The following NAALADL2 variants were observed in gnomAD, a reference collection of about 807,000 sequenced individuals.
NAALADL2 encodes the protein inactive N-acetylated-alpha-linked acidic dipeptidase-like protein 2.
NAALADL2 carries 76 observed loss-of-function variants against 87.2 expected under a neutral mutation model. The ratio of observed to expected loss-of-function variants is 0.87; its 90% CI spans 0.72 to 1.05. The LOEUF is 1.05. Ranked by LOEUF, NAALADL2 falls within the 50% of genes least tolerant of loss-of-function variation. NAALADL2 has a pLI of 0.00. For missense variants in NAALADL2, 1,089 were observed against 945.8 expected (o/e 1.15, Z -1.99); for synonymous variants, 354 against 331.0 (o/e 1.07, Z -0.75).
intron 11 of NAALADL2, among the ~76,000 whole-genome samples, chr3:175,730,317 AG>A (rs977358928): frequency 6.8e-6 from 1 of 147,486 alleles, no homozygotes; most frequent in African/African-American, 2.5e-5. Context: ...CCCATATAAA[AG>A]TTTATCTTTC....
At chr3:175,461,300 G>A (rs924214678) in intron 6 of NAALADL2, among the ~76,000 whole-genome samples, 4 of 151,036 alleles carry the variant, frequency 2.6e-5, no homozygotes, top group South Asian at 2.1e-4. Flanking sequence ...CTGATGGTGC[G>A]TTTTTACAGA....
rs767517255 is a variant in NAALADL2, at chr3:175,463,528, A to G, written c.1327+35A>G. 2.8e-6 allele frequency: 3 copies of G among 1,087,296 alleles called. No homozygotes were observed. The East Asian group carries it at 7.6e-5, about 27-fold the overall frequency. 67.4% of individuals were successfully genotyped at this position (1,087,296 alleles called of 1,614,324 possible). On this transcript the variant is annotated intron_variant, in intron 7 of 13. Coordinates refer to ENST00000454872, the MANE Select transcript of NAALADL2 (RefSeq NM_207015.3). ...GTTGAAAATTTATAATCTACACTTTATATGAAACTATACAAGGAAATGCTC... is the reference window on the plus strand; with the variant it reads ...GTTGAAAATTTATAATCTACACTTTGTATGAAACTATACAAGGAAATGCTC...
rs755886615 is a variant in NAALADL2, at chr3:175,463,437, C to G, written c.1271C>G (p.Thr424Arg). 6.3e-7 allele frequency: 1 copy of G among 1,599,100 alleles called. No individual in the cohort carries two copies. Among genetic ancestry groups the G allele is most frequent in the Admixed American group, 1.7e-5 (1 of 59,158 alleles). Residue 424 changes from threonine (T) to arginine (R), a missense_variant, in exon 7 of 14, where the codon ACA becomes AGA. By Grantham distance (71) the Thr-to-Arg change is moderately conservative (BLOSUM62 -1). Coordinates refer to ENST00000454872, the MANE Select transcript of NAALADL2 (RefSeq NM_207015.3). ...GTCAGCATGCAAGTTCAGACAGTCA[C>G]AAAATTGAAAACAGTTACTAATGTT... ...RVVSMQVQTV[T>R]KLKTVTNVVG... is the part of the protein sequence containing the mutation.
chr3:174,508,177 G>C (rs1179543096), intron 1 of NAALADL2, among the ~76,000 whole-genome samples: 6 of 136,804 alleles, frequency 4.4e-5, no homozygotes, highest in Non-Finnish European at 9.2e-5. Flanking sequence ...GCAGTGGCAC[G>C]ATTTCGGCTC....
At chr3:175,206,308 A>G (rs888615319) in intron 2 of NAALADL2, among the ~76,000 whole-genome samples, 1 of 129,254 alleles carries the variant, frequency 7.7e-6, no homozygotes, top group Non-Finnish European at 1.5e-5. Flanking sequence ...ATATATATAT[A>G]TATACACATA....
intron 11 of NAALADL2, chr3:175,676,635 G>T: frequency 6.9e-6 from 1 of 145,950 alleles, no homozygotes; most frequent in Admixed American, 6.9e-5. Context: ...GTGTGCTCTT[G>T]ATTAAAAAAA....
chr3:175,444,948 G>C (rs539496363), intron 5 of NAALADL2, among the ~76,000 whole-genome samples: 1 of 152,122 alleles, frequency 6.6e-6, no homozygotes, highest in Admixed American at 6.5e-5. Flanking sequence ...GGAAACACTC[G>C]TGTAACATAT....
At chr3:175,787,377 A>AG (rs1220636862) in intron 13 of NAALADL2, among the ~76,000 whole-genome samples, 1 of 152,164 alleles carries the variant, frequency 6.6e-6, no homozygotes, top group Non-Finnish European at 1.5e-5. Flanking sequence ...CCGTGGGCGT[A>AG]GGACCCTCCG....
chr3:175,129,503 CATTCTA>C (rs1727478589), intron 2 of NAALADL2, among the ~76,000 whole-genome samples: 1 of 152,172 alleles, frequency 6.6e-6, no homozygotes. Flanking sequence ...TGGCAATGAC[CATTCTA>C]TACTCTGCTT....
intron 2 of NAALADL2, among the ~76,000 whole-genome samples, chr3:175,167,692 C>T (rs755565902): frequency 2.6e-5 from 4 of 152,016 alleles, no homozygotes; most frequent in African/African-American, 4.8e-5. Context: ...TTTGAATATA[C>T]GTTCTTAAAC....
intron 1 of NAALADL2, among the ~76,000 whole-genome samples, chr3:174,477,631 A>C (rs539805655): frequency 6.6e-6 from 1 of 152,322 alleles, no homozygotes; most frequent in South Asian, 2.1e-4. Context: ...CACACCATTA[A>C]AAATCATGCT....
At chr3:174,988,586 C>A (rs987305535) in intron 1 of NAALADL2, among the ~76,000 whole-genome samples, 4 of 152,116 alleles carry the variant, frequency 2.6e-5, no homozygotes, top group African/African-American at 9.7e-5. Context: ...AGCCCATGAT[C>A]AAGGTGTTGG....
intron 2 of NAALADL2, among the ~76,000 whole-genome samples, chr3:174,595,624 C>T (rs1560079605): frequency 6.6e-6 from 1 of 152,186 alleles, no homozygotes; most frequent in Non-Finnish European, 1.5e-5. Context: ...AAAGAGGTTA[C>T]TGGTTATCCC....
intron 1 of NAALADL2, among the ~76,000 whole-genome samples, chr3:175,046,254 T>C (rs578002186): frequency 6.6e-6 from 1 of 152,278 alleles, no homozygotes; most frequent in East Asian, 1.9e-4. Flanking sequence ...TCGGAATTAG[T>C]GGGCTTTGGA....
rs866292740 is a variant in NAALADL2, at chr3:175,393,137, G to A, written c.1091-54092G>A. ...AAAATACAAAAAATTAGCCGGGCGC[G>A]GTGGCGGGCGCCTGTAGTCCCAGCT... On this transcript the variant is annotated intron_variant, in intron 5 of 13. Coordinates refer to ENST00000454872, the MANE Select transcript of NAALADL2 (RefSeq NM_207015.3). Among the ~76,000 whole-genome samples, 4 of 150,922 alleles carry A rather than the reference G, an allele frequency of 2.7e-5. No individual in the cohort carries two copies. The South Asian group carries it at 6.3e-4, about 24-fold the overall frequency.
intron 2 of NAALADL2, among the ~76,000 whole-genome samples, chr3:175,213,959 C>T (rs1742132603): frequency 6.6e-6 from 1 of 152,050 alleles, no homozygotes; most frequent in Non-Finnish European, 1.5e-5. Context: ...ATGATTAAAC[C>T]AAAATGCAGT....
chr3:174,472,478 A>T (rs552722941), intron 1 of NAALADL2, among the ~76,000 whole-genome samples: 1 of 152,224 alleles, frequency 6.6e-6, no homozygotes, highest in South Asian at 2.1e-4. Context: ...TGTAGGGGGA[A>T]TTGGTGAGTG....
chr3:175,430,114 C>T (rs1014008262), intron 5 of NAALADL2, among the ~76,000 whole-genome samples: 3 of 151,732 alleles, frequency 2.0e-5, no homozygotes, highest in African/African-American at 7.3e-5. Flanking sequence ...CCCTGCCATC[C>T]TCCAAAGAGA....
Position 174,451,459 on chromosome 3 carries a change from A to G in NAALADL2, c.-184+10427A>G, listed in dbSNP as rs193133517. 2.3e-3 allele frequency among the ~76,000 whole-genome samples: 353 copies of G among 152,332 alleles called. 1 individual carries two copies. Among genetic ancestry groups the G allele is most frequent in the Non-Finnish European group, 4.0e-3 (269 of 68,028 alleles). On this transcript the variant is annotated intron_variant, in intron 1 of 3. Coordinates refer to the NAALADL2 transcript ENST00000434257. The stretch of plus-strand genomic sequence containing the variant: ...TAAAGCAAGGAGAAAACTACATAAC[A>G]GAAACTTGATATGTTTGTATTATAA...
Sources: gnomAD v4.1 joint callset for allele counts (sites outside exome capture counted in the v4.1 genomes callset) on GRCh38, gnomAD v4.1.1 for gene constraint, MANE v1.5 for transcripts, NCBI Gene and HGNC (gene_info 2026-07-23, HGNC 2026-07-21) for gene names.